The following KIAA0232 variants were observed in gnomAD, a reference collection of about 807,000 sequenced individuals.
KIAA0232 encodes KIAA0232.
A neutral mutation model predicts 122.0 loss-of-function variants in KIAA0232; 27 were observed. The ratio of observed to expected loss-of-function variants is 0.22; its 90% CI spans 0.16 to 0.31. The LOEUF is 0.31. Ranked by LOEUF, KIAA0232 falls within the 10% of genes least tolerant of loss-of-function variation. KIAA0232 has a pLI of 1.00. For missense variants in KIAA0232, 1,551 were observed against 1,634.2 expected, an observed-to-expected ratio of 0.95 and a Z score of 0.88; for synonymous variants, 613 against 587.6, an observed-to-expected ratio of 1.04 and a Z score of -0.63.
chr4:6,839,382 A>G (rs559761467), intron 3 of KIAA0232, among the ~76,000 whole-genome samples: 56 of 152,320 alleles, frequency 3.7e-4, no homozygotes, highest in African/African-American at 1.3e-3. Flanking sequence ...TTCCCAAGAC[A>G]CCATTAACAC....
intron 4 of KIAA0232, among the ~76,000 whole-genome samples, chr4:6,851,529 T>C (rs754882013): frequency 1.5e-4 from 23 of 151,518 alleles, no homozygotes; most frequent in Non-Finnish European, 2.7e-4. Flanking sequence ...GATGGGGTTT[T>C]GCAGAAACCA....
chr4:6,783,551 C>T (rs767277695), intron 1 of KIAA0232, among the ~76,000 whole-genome samples: 5 of 152,134 alleles, frequency 3.3e-5, no homozygotes, highest in African/African-American at 7.2e-5. Context: ...GCTCGCGTTC[C>T]CTCCGTTCCC....
At chr4:6,806,185 A>C (rs897906185) in intron 2 of KIAA0232, among the ~76,000 whole-genome samples, 1 of 152,196 alleles carries the variant, frequency 6.6e-6, no homozygotes, top group Non-Finnish European at 1.5e-5. Context: ...AAAAACTGCC[A>C]TTTTGTAGCC....
intron 1 of KIAA0232, among the ~76,000 whole-genome samples, chr4:6,791,214 T>C (rs1439477590): frequency 2.0e-5 from 3 of 151,770 alleles, no homozygotes; most frequent in Non-Finnish European, 4.4e-5. Flanking sequence ...CCACCGTGCC[T>C]GGCCTGTTTT....
intron 1 of KIAA0232, among the ~76,000 whole-genome samples, chr4:6,797,350 C>T (rs753976830): frequency 1.3e-5 from 2 of 152,174 alleles, no homozygotes; most frequent in African/African-American, 2.4e-5. Flanking sequence ...AGGTTCAGGC[C>T]TGTCATCTTC....
intron 4 of KIAA0232, among the ~76,000 whole-genome samples, chr4:6,843,434 T>G (rs1272562203): frequency 9.9e-5 from 15 of 152,188 alleles, no homozygotes; most frequent in Non-Finnish European, 1.6e-4. Context: ...TTTTAAGGCT[T>G]GCTTAGTGTT....
chr4:6,821,037 C>T (rs1718398377), intron 2 of KIAA0232, among the ~76,000 whole-genome samples: 1 of 152,160 alleles, frequency 6.6e-6, no homozygotes, highest in African/African-American at 2.4e-5. Flanking sequence ...GCCCTCATGA[C>T]CTAATCACCT....
At chr4:6,877,014 A>T (rs905626897) in intron 9 of KIAA0232, among the ~76,000 whole-genome samples, 12 of 151,830 alleles carry the variant, frequency 7.9e-5, no homozygotes, top group African/African-American at 2.7e-4. Context: ...TTGGCTCTAC[A>T]CTACTGCCCG....
In KIAA0232 at chr4:6,863,381, A is replaced by G. The variant is rs751472293; in HGVS notation, c.2999A>G (p.Asp1000Gly). The stretch of plus-strand genomic sequence containing the variant: ...CCCTTCGTGTCATTTGAACAGAATG[A>G]TCAGCCGAAGAGTGGGGAAAATGGG... ...WKPFVSFEQN[D>G]QPKSGENGLN... The change falls in exon 7 of 10, where the codon GAT (aspartate) becomes GGT (glycine). Residue 1000 changes from aspartate to glycine, a missense_variant. Around this residue, in one of 5 missense-constraint regions of KIAA0232, gnomAD observed 1,108 missense variants for 1,154.8 expected, o/e 0.96. Coordinates refer to ENST00000307659, the MANE Select transcript of KIAA0232 (RefSeq NM_014743.3). 4.3e-6 allele frequency: 7 copies of G among 1,614,086 alleles called. No homozygotes were observed. The highest frequency in any genetic ancestry group is 5.9e-6 in the Non-Finnish European group (7 of 1,180,048).
At chr4:6,870,210 C>G (rs578103412) in intron 7 of KIAA0232, among the ~76,000 whole-genome samples, 4 of 152,334 alleles carry the variant, frequency 2.6e-5, no homozygotes, top group African/African-American at 7.2e-5. Context: ...CTATCCAGTT[C>G]TCACTGGCCA....
At chr4:6,795,742 G>A (rs930842607) in intron 1 of KIAA0232, among the ~76,000 whole-genome samples, 19 of 152,150 alleles carry the variant, frequency 1.2e-4, no homozygotes, top group Admixed American at 1.1e-3. Context: ...ATAGGCATGC[G>A]CCACTGCATC....
chr4:6,877,998 C>A (rs190097048), intron 9 of KIAA0232, among the ~76,000 whole-genome samples: 142 of 152,328 alleles, frequency 9.3e-4, no homozygotes, highest in African/African-American at 3.1e-3. Flanking sequence ...AGCTATGCTT[C>A]ATACAACCGG....
At chr4:6,811,324 T>C (rs762592764) in intron 2 of KIAA0232, among the ~76,000 whole-genome samples, 14 of 152,210 alleles carry the variant, frequency 9.2e-5, no homozygotes, top group Non-Finnish European at 1.5e-4. Context: ...TTGGTGGAAC[T>C]GGAAGTCATT....
At chr4:6,792,460 T>C (rs1716938543) in intron 1 of KIAA0232, among the ~76,000 whole-genome samples, 1 of 152,218 alleles carries the variant, frequency 6.6e-6, no homozygotes, top group Non-Finnish European at 1.5e-5. Context: ...TTGGTGGCTA[T>C]ATTAGTTTTA....
rs138324907 is a variant in KIAA0232 at position 6,874,912 on chromosome 4, C to T, written c.3911-1748C>T. 3.5e-4 allele frequency among the ~76,000 whole-genome samples: 54 copies of T among 152,286 alleles called. 1 individual carries two copies. Among genetic ancestry groups the T allele is most frequent in the Middle Eastern group, 6.8e-3 (2 of 294 alleles). ...GCACAATAAAACCCTCTTGTATGTA[C>T]AGAATTCCTAAAGCAGGAAGAGAAA... On this transcript the variant is annotated intron_variant, in intron 8 of 9. Transcript: ENST00000307659.
intron 3 of KIAA0232, among the ~76,000 whole-genome samples, chr4:6,836,541 C>CTTTTTTTTTTTTTTTTTT (rs1465134876): frequency 2.2e-5 from 2 of 92,718 alleles, no homozygotes; most frequent in Non-Finnish European, 4.7e-5. Context: ...TTTTTTTTTT[C>CTTTTTTTTTTTTTTTTTT]TTTTCTTTTT....
Position 6,883,037 on chromosome 4 carries a change from A to T in KIAA0232, c.*2071A>T, listed in dbSNP as rs1358551725. The T allele has an allele frequency of 6.6e-6, 1 of 152,472 alleles. No homozygotes were observed. The highest frequency in any genetic ancestry group is 1.5e-5 in the Non-Finnish European group (1 of 68,048). The allele number at this position is 152,472 out of a possible 1,614,324, so 9.4% of individuals were successfully genotyped here. A position where few individuals can be genotyped will look rare whatever the true frequency, so the allele number is the denominator to read the frequency against. On this transcript the variant is annotated 3_prime_UTR_variant, in exon 10 of 10. Coordinates refer to ENST00000307659, the MANE Select transcript of KIAA0232 (RefSeq NM_014743.3). ...TGAATGGGACGGATTCGAAGTGAGCAAAGGGATTCACAAATTATGTATTTA... is the reference window on the plus strand; with the variant it reads ...TGAATGGGACGGATTCGAAGTGAGCTAAGGGATTCACAAATTATGTATTTA...
chr4:6,805,101 A>G lies in KIAA0232; in HGVS notation c.-270+495A>G, dbSNP rs1302725081. The stretch of plus-strand genomic sequence containing the variant: ...AAAGGAATATATTTTTATATCACCC[A>G]GAGTATACTTTGGGGAAACTGTGTA... On this transcript the variant is annotated intron_variant, in intron 2 of 9. Coordinates refer to ENST00000307659, the MANE Select transcript of KIAA0232 (RefSeq NM_014743.3). 2.0e-5 allele frequency among the ~76,000 whole-genome samples: 3 copies of G among 152,350 alleles called. No individual in the cohort carries two copies. The East Asian group carries it at 5.8e-4, about 29-fold the overall frequency.
chr4:6,785,982 G>A (rs1044356060), intron 1 of KIAA0232, among the ~76,000 whole-genome samples: 2 of 152,112 alleles, frequency 1.3e-5, no homozygotes, highest in Non-Finnish European at 2.9e-5. Flanking sequence ...CAAATATTCT[G>A]TTCTCTCTGG....
Sources: allele counts gnomAD v4.1 joint callset (sites outside exome capture counted in the v4.1 genomes callset), GRCh38; gene constraint gnomAD v4.1.1; regional missense constraint gnomAD v4.1.1; transcripts MANE v1.5; gene names NCBI Gene and HGNC (gene_info 2026-07-23, HGNC 2026-07-21).